The following NAA11 variants were observed in gnomAD, a reference collection of about 807,000 sequenced individuals.
NAA11 encodes the protein N-alpha-acetyltransferase 11.
NAA11 carries 15 observed loss-of-function variants against 16.1 expected under a neutral mutation model. The ratio of observed to expected loss-of-function variants is 0.93; its 90% CI spans 0.62 to 1.44. NAA11 has a LOEUF of 1.44. NAA11 is among the 40% of genes most tolerant of loss of function. NAA11 has a pLI of 0.00. For synonymous variants in NAA11, 122 were observed against 112.4 expected (o/e 1.09, Z -0.54); for missense variants, 298 against 291.3 (o/e 1.02, Z -0.17).
chr4:79,305,112 G>C (rs1476452649), intron 1 of NAA11: 1 of 152,104 alleles, frequency 6.6e-6, no homozygotes, highest in Non-Finnish European at 1.5e-5. Flanking sequence ...GATGTTCTTT[G>C]GTTCTTCATG....
the NAA11 span, among the ~76,000 whole-genome samples, chr4:79,197,304 T>C: frequency 6.6e-6 from 1 of 152,014 alleles, no homozygotes; most frequent in African/African-American, 2.4e-5. Flanking sequence ...GGGTTCTATT[T>C]ATTCATTCAT....
At chr4:79,208,757 C>T in the NAA11 span, among the ~76,000 whole-genome samples, 1 of 150,858 alleles carries the variant, frequency 6.6e-6, no homozygotes, top group Admixed American at 6.6e-5. Flanking sequence ...TAGGATAATA[C>T]CTCTTCATAG....
chr4:79,183,734 G>C, the NAA11 span, among the ~76,000 whole-genome samples: 2 of 151,606 alleles, frequency 1.3e-5, no homozygotes, highest in African/African-American at 4.9e-5. Flanking sequence ...GCCTCCCCTT[G>C]CTACTGAACA....
At chr4:79,249,000 C>G (rs563114853) in intron 2 of NAA11, among the ~76,000 whole-genome samples, 85 of 152,312 alleles carry the variant, frequency 5.6e-4, no homozygotes, top group African/African-American at 1.9e-3. Context: ...AGCCCCCCCC[C>G]AGTGCAGCAG....
At position 79,325,409 on chromosome 4, in the gene NAA11, C is replaced by T. The variant is rs755597907; in HGVS notation, c.469G>A (p.Glu157Lys). ...MKRDLSQMADELRRQMDLKKG... is the reference protein window; with the variant it reads ...MKRDLSQMADKLRRQMDLKKG... ...TTCAGGTCCATTTGTCGTCTCAGCT[C>T]ATCTGCCATCTGCGAGAGATCCCGC... The change falls in exon 1 of 2, where the codon GAG becomes AAG. Residue 157 changes from glutamate to lysine, a missense_variant. Physicochemically the swap from Glu to Lys is moderately conservative, Grantham distance 56. Coordinates refer to ENST00000286794, the MANE Select transcript of NAA11 (RefSeq NM_032693.3). 3.1e-6 allele frequency: 5 copies of T among 1,614,212 alleles called. No homozygotes were observed. The highest frequency in any genetic ancestry group is 1.1e-5 in the South Asian group (1 of 91,088).
chr4:79,312,341 A>C (rs1218036935), downstream of NAA11, among the ~76,000 whole-genome samples: 1 of 152,002 alleles, frequency 6.6e-6, no homozygotes, highest in Non-Finnish European at 1.5e-5. Context: ...CTAATGTTTT[A>C]TTTATTTATT....
intron 2 of NAA11, among the ~76,000 whole-genome samples, chr4:79,249,466 T>C (rs996574125): frequency 1.4e-4 from 22 of 152,206 alleles, no homozygotes; most frequent in African/African-American, 5.3e-4. Context: ...AATTTCAGAA[T>C]ACAATTGCTA....
At chr4:79,249,001 A>AG (rs1162957426) in intron 2 of NAA11, among the ~76,000 whole-genome samples, 4 of 151,186 alleles carry the variant, frequency 2.6e-5, no homozygotes, top group Non-Finnish European at 5.9e-5. Flanking sequence ...GCCCCCCCCC[A>AG]GTGCAGCAGG....
the NAA11 span, among the ~76,000 whole-genome samples, chr4:79,166,738 A>G: frequency 1.3e-5 from 2 of 149,150 alleles, no homozygotes; most frequent in African/African-American, 4.9e-5. Context: ...GCGTGGTGGC[A>G]CGCACCTGTA....
At chr4:79,180,633 G>T in the NAA11 span, among the ~76,000 whole-genome samples, 1 of 152,328 alleles carries the variant, frequency 6.6e-6, no homozygotes, top group East Asian at 1.9e-4. Context: ...CTGTTGGTGG[G>T]ACTGTAAACT....
the NAA11 span, among the ~76,000 whole-genome samples, chr4:79,194,097 G>A: frequency 6.6e-6 from 1 of 152,174 alleles, no homozygotes; most frequent in African/African-American, 2.4e-5. Context: ...TGCTGAAGTT[G>A]CCTATCAGCT....
chr4:79,167,845 A>C, the NAA11 span, among the ~76,000 whole-genome samples: 1 of 151,930 alleles, frequency 6.6e-6, no homozygotes, highest in East Asian at 1.9e-4. Flanking sequence ...GAAGTGCTAC[A>C]CACTTTTTTT....
chr4:79,159,930 C>G, the NAA11 span, among the ~76,000 whole-genome samples: 10 of 150,044 alleles, frequency 6.7e-5, no homozygotes, highest in Non-Finnish European at 1.3e-4. Flanking sequence ...GATATACTAA[C>G]TTTTGTTCAT....
the NAA11 span, among the ~76,000 whole-genome samples, chr4:79,212,343 G>A: frequency 1.3e-5 from 2 of 152,016 alleles, no homozygotes; most frequent in Non-Finnish European, 2.9e-5. Flanking sequence ...TTTCTCCCAA[G>A]GTCTGTTTTG....
chr4:79,162,954 G>T, the NAA11 span, among the ~76,000 whole-genome samples: 1 of 152,194 alleles, frequency 6.6e-6, no homozygotes, highest in Non-Finnish European at 1.5e-5. Flanking sequence ...CATTTATGAA[G>T]TAGGAACTGT....
At chr4:79,240,676 C>T (rs1460651964) in intron 2 of NAA11, among the ~76,000 whole-genome samples, 1 of 152,100 alleles carries the variant, frequency 6.6e-6, no homozygotes, top group Non-Finnish European at 1.5e-5. Flanking sequence ...TTTTGGGCTT[C>T]TTATGCCACT....
intron 1 of NAA11, chr4:79,299,243 G>A (rs537509001): frequency 9.2e-5 from 14 of 152,284 alleles, no homozygotes; most frequent in African/African-American, 3.4e-4. Context: ...TAAGAAAACC[G>A]AGGCATAGAG....
chr4:79,187,936 T>C, the NAA11 span, among the ~76,000 whole-genome samples: 1 of 140,240 alleles, frequency 7.1e-6, no homozygotes, highest in Non-Finnish European at 1.5e-5. Context: ...GAGGCGGAGC[T>C]TGCAGTGAGC....
At chr4:79,165,922 C>T in the NAA11 span, among the ~76,000 whole-genome samples, 6 of 151,802 alleles carry the variant, frequency 4.0e-5, no homozygotes, top group African/African-American at 1.5e-4. Flanking sequence ...TTGGTTTTGC[C>T]TCAGTAATTT....
Sources: gnomAD v4.1 joint callset for allele counts (sites outside exome capture counted in the v4.1 genomes callset) on GRCh38, gnomAD v4.1.1 for gene constraint, MANE v1.5 for transcripts, NCBI Gene and HGNC (gene_info 2026-07-23, HGNC 2026-07-21) for gene names.